Variants in PTPRG observed in about 807,000 individuals in gnomAD.
PTPRG encodes the protein receptor-type tyrosine-protein phosphatase gamma.
In PTPRG, 102 loss-of-function variants were observed where a neutral mutation model predicts 165.3. That is an observed-to-expected ratio of 0.62 (90% CI 0.53 to 0.73). The LOEUF is 0.73. Among genes scored for constraint, PTPRG ranks in the 30% least tolerant of loss-of-function variants. The pLI is 0.00. For synonymous variants in PTPRG, 675 were observed against 669.5 expected (o/e 1.01, Z -0.13); for missense variants, 1,866 against 1,861.4 (o/e 1.00, Z -0.05).
intron 1 of PTPRG, among the ~76,000 whole-genome samples, chr3:61,738,423 TA>T (rs1474331304): frequency 8.0e-5 from 12 of 150,770 alleles, no homozygotes; most frequent in African/African-American, 2.9e-4. Flanking sequence ...AAGGCCTATA[TA>T]AAAGGCCTAT....
chr3:61,647,635 CA>C (rs1292101663), intron 1 of PTPRG, among the ~76,000 whole-genome samples: 2 of 151,754 alleles, frequency 1.3e-5, no homozygotes, highest in African/African-American at 2.4e-5. Context: ...CTAAAAAATA[CA>C]AAAAAATTAG....
chr3:61,725,755 A>T (rs2032232577), intron 1 of PTPRG, among the ~76,000 whole-genome samples: 2 of 149,946 alleles, frequency 1.3e-5, no homozygotes, highest in Non-Finnish European at 3.0e-5. Flanking sequence ...TGTTCATTGC[A>T]AATGACCACA....
At chr3:62,050,188 C>T (rs1365043769) in intron 4 of PTPRG, among the ~76,000 whole-genome samples, 1 of 152,166 alleles carries the variant, frequency 6.6e-6, no homozygotes, top group Non-Finnish European at 1.5e-5. Flanking sequence ...TACAGTTACA[C>T]ACCACATAAC....
chr3:62,003,736 T>C (rs909319565), intron 4 of PTPRG, among the ~76,000 whole-genome samples: 3 of 152,204 alleles, frequency 2.0e-5, no homozygotes, highest in African/African-American at 7.2e-5. Context: ...TCACTACTGG[T>C]TGATGATGTT....
chr3:62,038,297 T>C (rs1278050020), intron 4 of PTPRG, among the ~76,000 whole-genome samples: 2 of 152,226 alleles, frequency 1.3e-5, no homozygotes, highest in East Asian at 3.8e-4. Context: ...TGGAAAATCA[T>C]AGTAAAATGA....
At chr3:61,724,550 T>TC (rs2032180173) in intron 1 of PTPRG, among the ~76,000 whole-genome samples, 1 of 152,094 alleles carries the variant, frequency 6.6e-6, no homozygotes, top group East Asian at 1.9e-4. Flanking sequence ...TATATTTAAG[T>TC]TTTTTTTACT....
At chr3:61,859,453 T>C (rs982273525) in intron 2 of PTPRG, among the ~76,000 whole-genome samples, 1 of 152,122 alleles carries the variant, frequency 6.6e-6, no homozygotes, top group Admixed American at 6.6e-5. Context: ...CAAGGGAAAA[T>C]CAGAGCTGAC....
intron 5 of PTPRG, among the ~76,000 whole-genome samples, chr3:62,081,257 A>AAAAAAAAC (rs1553714370): frequency 1.0e-5 from 1 of 98,590 alleles, no homozygotes; most frequent in Non-Finnish European, 2.1e-5. Context: ...ACTCCGTCTC[A>AAAAAAAAC]AAACAAACAA....
intron 2 of PTPRG, among the ~76,000 whole-genome samples, chr3:61,892,046 C>T (rs2038229284): frequency 6.6e-6 from 1 of 151,968 alleles, no homozygotes; most frequent in African/African-American, 2.4e-5. Flanking sequence ...AGGCACTGGA[C>T]CATTTTGAAG....
intron 1 of PTPRG, among the ~76,000 whole-genome samples, chr3:61,731,669 A>G (rs2032507484): frequency 6.6e-6 from 1 of 151,946 alleles, no homozygotes; most frequent in East Asian, 1.9e-4. Context: ...TCACAGTGCT[A>G]TGCAGGGCTT....
intron 6 of PTPRG, among the ~76,000 whole-genome samples, chr3:62,137,917 C>T (rs1029067690): frequency 3.9e-5 from 6 of 152,188 alleles, no homozygotes; most frequent in Admixed American, 2.0e-4. Flanking sequence ...CTTCAAATGT[C>T]GAACTACTGT....
At chr3:62,083,108 G>A (rs999738938) in intron 5 of PTPRG, among the ~76,000 whole-genome samples, 1 of 152,216 alleles carries the variant, frequency 6.6e-6, no homozygotes, top group Non-Finnish European at 1.5e-5. Flanking sequence ...GTTGATTTAT[G>A]TAAGTACAGA....
intron 1 of PTPRG, among the ~76,000 whole-genome samples, chr3:61,584,773 G>A (rs138080238): frequency 6.6e-6 from 1 of 152,084 alleles, no homozygotes; most frequent in Non-Finnish European, 1.5e-5. Flanking sequence ...AGTTTGTCCA[G>A]CCCTCACACG....
chr3:61,598,368 G>A (rs1489973266), intron 1 of PTPRG, among the ~76,000 whole-genome samples: 1 of 152,158 alleles, frequency 6.6e-6, no homozygotes, highest in Admixed American at 6.5e-5. Context: ...CTTCAGTGAG[G>A]CAGCGCAGCT....
chr3:62,285,981 G>A (rs1314782482), intron 28 of PTPRG, among the ~76,000 whole-genome samples: 1 of 152,162 alleles, frequency 6.6e-6, no homozygotes, highest in African/African-American at 2.4e-5. Flanking sequence ...ATTAAAAAGA[G>A]TTTTCCAGAA....
chr3:62,290,197 G>C (rs1702830551), intron 28 of PTPRG, among the ~76,000 whole-genome samples: 1 of 152,014 alleles, frequency 6.6e-6, no homozygotes, highest in African/African-American at 2.4e-5. Flanking sequence ...ATAAAACCTA[G>C]TTAAAAGCTA....
At chr3:61,748,605 CAAA>C (rs1337392879) in intron 1 of PTPRG, among the ~76,000 whole-genome samples, 1 of 152,048 alleles carries the variant, frequency 6.6e-6, no homozygotes, top group South Asian at 2.1e-4. Context: ...TGGTGTTTTG[CAAA>C]TCAACTAAGA....
At chr3:62,207,397 A>G (rs1440536324) in intron 12 of PTPRG, among the ~76,000 whole-genome samples, 2 of 152,196 alleles carry the variant, frequency 1.3e-5, no homozygotes, top group African/African-American at 4.8e-5. Flanking sequence ...CAAATCCCAC[A>G]TCAGTCAATG....
At chr3:61,602,460 T>G (rs1459412156) in intron 1 of PTPRG, among the ~76,000 whole-genome samples, 1 of 152,158 alleles carries the variant, frequency 6.6e-6, no homozygotes, top group Non-Finnish European at 1.5e-5. Context: ...TCTCTGTGGG[T>G]CACACTAAAT....
Sources: gnomAD v4.1 joint callset for allele counts (sites outside exome capture counted in the v4.1 genomes callset) on GRCh38, gnomAD v4.1.1 for gene constraint, MANE v1.5 for transcripts, NCBI Gene and HGNC (gene_info 2026-07-23, HGNC 2026-07-21) for gene names.